PRAG1: variants seen among roughly 807,000 people sequenced by gnomAD.
PRAG1 encodes inactive tyrosine-protein kinase PRAG1.
In PRAG1, 110 loss-of-function variants were observed where a neutral mutation model predicts 95.6. The observed-to-expected ratio is 1.15, with a 90% CI of 0.99 to 1.35. The LOEUF (loss-of-function observed/expected upper bound fraction) is 1.35. PRAG1 is among the 40% of genes most tolerant of loss of function. PRAG1 has a pLI of 0.00. For missense variants in PRAG1, 2,554 were observed against 1,864.7 expected (o/e 1.37, Z -6.81); for synonymous variants, 1,052 against 819.4 (o/e 1.28, Z -4.85).
At chr8:8,361,588 C>T (rs1380774906) in intron 3 of PRAG1, among the ~76,000 whole-genome samples, 1 of 152,188 alleles carries the variant, frequency 6.6e-6, no homozygotes, top group Non-Finnish European at 1.5e-5. Flanking sequence ...GCCCTTGCCA[C>T]CAGCATAGAG....
At chr8:8,342,667 G>A (rs1474343517) in intron 3 of PRAG1, among the ~76,000 whole-genome samples, 1 of 152,052 alleles carries the variant, frequency 6.6e-6, no homozygotes, top group East Asian at 1.9e-4. Context: ...AAACAGACTG[G>A]AGGATTAACA....
intron 3 of PRAG1, among the ~76,000 whole-genome samples, chr8:8,375,040 T>A (rs1323455514): frequency 3.3e-5 from 5 of 151,864 alleles, no homozygotes; most frequent in Admixed American, 2.6e-4. Flanking sequence ...AGAAATTTTT[T>A]TTCCCCAGCA....
intron 4 of PRAG1, among the ~76,000 whole-genome samples, chr8:8,333,705 C>A (rs1798892975): frequency 6.6e-6 from 1 of 152,216 alleles, no homozygotes; most frequent in African/African-American, 2.4e-5. Flanking sequence ...TCTTTCTTTG[C>A]ACAGCTCTGC....
chr8:8,385,217 AACTTCAGC>A (rs1374142885), intron 1 of PRAG1, among the ~76,000 whole-genome samples: 1 of 152,202 alleles, frequency 6.6e-6, no homozygotes, highest in African/African-American at 2.4e-5. Flanking sequence ...AAAGTGTCTG[AACTTCAGC>A]ACACTCCACT....
chr8:8,320,703 C>G (rs1350392699), intron 5 of PRAG1, among the ~76,000 whole-genome samples: 1 of 152,208 alleles, frequency 6.6e-6, no homozygotes, highest in African/African-American at 2.4e-5. Context: ...CCTGCAAACA[C>G]TCCTAAAATA....
At chr8:8,354,065 G>T (rs549106210) in intron 3 of PRAG1, among the ~76,000 whole-genome samples, 13 of 151,614 alleles carry the variant, frequency 8.6e-5, no homozygotes, top group African/African-American at 3.1e-4. Flanking sequence ...AATAAGGAAA[G>T]AAGACTCAAA....
chr8:8,333,623 G>A (rs28607078), intron 4 of PRAG1, among the ~76,000 whole-genome samples: 9,196 of 152,244 alleles, frequency 0.06, 611 homozygotes, highest in African/African-American at 0.16. Flanking sequence ...GGTTTTAATA[G>A]GCACTTTCAT....
In PRAG1 at chr8:8,339,600, A is replaced by T; in HGVS notation, c.2198T>A (p.Leu733Ter). The T allele has an allele frequency of 6.2e-7, 1 of 1,613,906 alleles. No homozygotes were observed. Among genetic ancestry groups the T allele is most frequent in the Non-Finnish European group, 8.5e-7 (1 of 1,179,764 alleles). Residue 733 changes from leucine (L) to a stop codon, truncating the protein, a stop_gained, in exon 4 of 6, where the codon TTG (leucine) becomes TAG (stop). Transcript: ENST00000615670. LOFTEE classifies it high-confidence loss of function. ...TGCAGAGCCCTGGCTCACTTTTTCC[A>T]AATCAGAGCTGCTCTTGTTCATTTT... is the stretch of plus-strand genomic sequence containing the variant. ...LLKMNKSSSD[L>*]EKVSQGSAES...
At chr8:8,361,904 G>A (rs866914785) in intron 3 of PRAG1, among the ~76,000 whole-genome samples, 1 of 152,168 alleles carries the variant, frequency 6.6e-6, no homozygotes, top group Admixed American at 6.5e-5. Flanking sequence ...TTATTAGGGG[G>A]AATCTGATCA....
chr8:8,384,629 A>C (rs1563262030), intron 1 of PRAG1, among the ~76,000 whole-genome samples: 2 of 149,734 alleles, frequency 1.3e-5, no homozygotes, highest in Non-Finnish European at 1.5e-5. Context: ...AAAAAAAAAA[A>C]AAACCTCTTT....
At chr8:8,371,434 G>A (rs549006246) in intron 3 of PRAG1, among the ~76,000 whole-genome samples, 7 of 151,928 alleles carry the variant, frequency 4.6e-5, no homozygotes, top group South Asian at 2.1e-4. Flanking sequence ...CTAATTTTTT[G>A]TATTTTTAGT....
chr8:8,376,162 C>G, intron 3 of PRAG1, 85 bp downstream of exon 3: 1 of 1,513,742 alleles, frequency 6.6e-7, no homozygotes, highest in Non-Finnish European at 8.8e-7. Context: ...GGACCTGGGC[C>G]TGAAAGCTTT....
chr8:8,351,727 G>A (rs915957587), intron 3 of PRAG1, among the ~76,000 whole-genome samples: 2 of 152,134 alleles, frequency 1.3e-5, no homozygotes, highest in African/African-American at 4.8e-5. Context: ...TTCGCTTTCA[G>A]TATATAAAGA....
chr8:8,347,800 G>A (rs1199433076), intron 3 of PRAG1, among the ~76,000 whole-genome samples: 1 of 150,378 alleles, frequency 6.6e-6, no homozygotes, highest in Non-Finnish European at 1.5e-5. Context: ...CTCCTCTAGT[G>A]AGAGATCAAT....
chr8:8,364,639 T>C (rs899848331), intron 3 of PRAG1, among the ~76,000 whole-genome samples: 2 of 152,134 alleles, frequency 1.3e-5, no homozygotes, highest in African/African-American at 2.4e-5. Context: ...ATACACTATA[T>C]GACACTATAT....
Position 8,339,494 on chromosome 8 carries a change from C to T in PRAG1, c.2304G>A (p.Arg768=), listed in dbSNP as rs56010828. 5.1e-3 allele frequency: 8,254 copies of T among 1,614,094 alleles called. 188 individuals carry two copies. Among genetic ancestry groups the T allele is most frequent in the South Asian group, 0.049 (4,505 of 91,074 alleles). ...GTTTGTTACCTCCATCGCTGCAGGT[C>T]CTAGAGTCTGAGGCCAGGCTGTCCG... ...GSTDSLASDS[R]TCSDGGPSSE... Residue 768 remains arginine, a synonymous_variant, in exon 4 of 6, where the codon AGG becomes AGA. Coordinates refer to ENST00000615670, the MANE Select transcript of PRAG1 (RefSeq NM_001080826.3).
chr8:8,330,777 G>A (rs767075483), intron 4 of PRAG1, among the ~76,000 whole-genome samples: 3 of 152,160 alleles, frequency 2.0e-5, no homozygotes, highest in Non-Finnish European at 4.4e-5. Flanking sequence ...GGGGACAGAC[G>A]GAGGCTAGGG....
At chr8:8,331,057 C>G (rs1260034480) in intron 4 of PRAG1, among the ~76,000 whole-genome samples, 3 of 152,166 alleles carry the variant, frequency 2.0e-5, no homozygotes, top group South Asian at 4.1e-4. Context: ...TTATCATCAA[C>G]ACAACAGAAG....
chr8:8,351,356 A>G (rs1012588878), intron 3 of PRAG1, among the ~76,000 whole-genome samples: 1 of 152,150 alleles, frequency 6.6e-6, no homozygotes, highest in Non-Finnish European at 1.5e-5. Context: ...ACCAGACCCC[A>G]TCTCCAATAT....
Sources: gnomAD v4.1 joint callset for allele counts (sites outside exome capture counted in the v4.1 genomes callset) on GRCh38, gnomAD v4.1.1 for gene constraint, MANE v1.5 for transcripts, NCBI Gene and HGNC (gene_info 2026-07-23, HGNC 2026-07-21) for gene names.